The following PROK2 variants were observed in gnomAD, a reference collection of about 807,000 sequenced individuals.
PROK2 encodes the protein prokineticin-2.
In PROK2, 8 loss-of-function variants were observed where a neutral mutation model predicts 14.2. That is an observed-to-expected ratio of 0.56 (90% CI 0.33 to 1.02). The LOEUF (loss-of-function observed/expected upper bound fraction) is 1.02. PROK2 is among the 50% of genes least tolerant of loss of function. PROK2 has a pLI of 0.03. For missense variants in PROK2, 154 were observed against 160.4 expected, an observed-to-expected ratio of 0.96 and a Z score of 0.22; for synonymous variants, 59 against 60.7, an observed-to-expected ratio of 0.97 and a Z score of 0.13.
chr3:71,781,098 T>C (rs1361605034), intron 2 of PROK2, among the ~76,000 whole-genome samples: 3 of 152,232 alleles, frequency 2.0e-5, no homozygotes, highest in Non-Finnish European at 2.9e-5. Flanking sequence ...GTAGATCTAA[T>C]ATTAAAAGCA....
In PROK2 at chr3:71,777,856, T is replaced by C. The variant is rs548188581; in HGVS notation, c.223-3349A>G. On this transcript the variant is annotated intron_variant, in intron 2 of 3. Coordinates refer to ENST00000295619, the MANE Select transcript of PROK2 (RefSeq NM_001126128.2). ...AAACCTTGTTGTTTTGTCTTTTTTTTTTTTTAAACAGAAAGTTTCTTCTAA... is the reference window on the plus strand; with the variant it reads ...AAACCTTGTTGTTTTGTCTTTTTTTCTTTTTAAACAGAAAGTTTCTTCTAA... Among the ~76,000 whole-genome samples the C allele has an allele frequency of 2.0e-5, 3 of 152,102 alleles. No homozygotes were observed. In the South Asian group the frequency reaches 6.2e-4, roughly 32 times the overall value.
rs1162902807 is a variant in PROK2 at position 71,776,363 on chromosome 3, CATT to C, written c.223-1859_223-1857del. On this transcript the variant is annotated intron_variant, in intron 2 of 3. Coordinates refer to ENST00000295619, the MANE Select transcript of PROK2 (RefSeq NM_001126128.2). ...CTTTTCTTTTTTTCTTTTCGCTTTTCATTTTTTTTTTTTTTTTTTTTTTTTTTG... is the reference window on the plus strand; with the variant it reads ...CTTTTCTTTTTTTCTTTTCGCTTTTCTTTTTTTTTTTTTTTTTTTTTTTTG... 3.6e-3 allele frequency among the ~76,000 whole-genome samples: 332 copies of C among 91,978 alleles called. 11 individuals are homozygous for C. Among genetic ancestry groups the C allele is most frequent in the Admixed American group, 6.7e-3 (51 of 7,564 alleles). The allele number at this position is 91,978 out of a possible 152,430, so 60.3% of individuals were successfully genotyped here. A position where few individuals can be genotyped will look rare whatever the true frequency, so the allele number is the denominator to read the frequency against.
In PROK2 at chr3:71,772,713, C is replaced by T. The variant is rs771826707; in HGVS notation, c.*11G>A. The T allele has an allele frequency of 5.6e-6, 9 of 1,609,548 alleles. No homozygotes were observed. The South Asian group carries it at 9.9e-5, about 18-fold the overall frequency. Reference sequence around the variant, plus strand: ...TGTGGCTATTCACATTTGGTTTCTACTCCAGAGCGATTACTTTTGGGCTAA... The same window carrying T: ...TGTGGCTATTCACATTTGGTTTCTATTCCAGAGCGATTACTTTTGGGCTAA... On this transcript the variant is annotated 3_prime_UTR_variant, in exon 4 of 4. Transcript: ENST00000295619.
At chr3:71,780,841 C>T (rs760450216) in intron 2 of PROK2, among the ~76,000 whole-genome samples, 1 of 152,202 alleles carries the variant, frequency 6.6e-6, no homozygotes, top group Non-Finnish European at 1.5e-5. Context: ...CCAATCCTGC[C>T]ACCCTATGAT....
Position 71,781,523 on chromosome 3 carries a change from T to A in PROK2, c.166A>T (p.Arg56Trp). The A allele has an allele frequency of 6.2e-7, 1 of 1,613,696 alleles. No individual in the cohort carries two copies. The highest frequency in any genetic ancestry group is 8.5e-7 in the Non-Finnish European group (1 of 1,179,596). ...CAVSIWVKSIRICTPMGKLGD... is the reference protein window; with the variant it reads ...CAVSIWVKSIWICTPMGKLGD... ...AGTTTGCCCATAGGTGTGCAAATCCTTATGCTCTTGACCCAGATACTGACA... is the reference window on the plus strand; with the variant it reads ...AGTTTGCCCATAGGTGTGCAAATCCATATGCTCTTGACCCAGATACTGACA... The change falls in exon 2 of 4, where the codon AGG (arginine) becomes TGG (tryptophan). Residue 56 changes from arginine to tryptophan, a missense_variant. Physicochemically the swap from Arg to Trp is moderately radical, Grantham distance 101 (BLOSUM62 -3). Coordinates refer to ENST00000295619, the MANE Select transcript of PROK2 (RefSeq NM_001126128.2).
intron 3 of PROK2, among the ~76,000 whole-genome samples, chr3:71,773,217 C>T (rs887513210): frequency 6.6e-6 from 1 of 152,176 alleles, no homozygotes; most frequent in Non-Finnish European, 1.5e-5. Context: ...CAACCTCAAG[C>T]GATCTGCCTG....
chr3:71,780,406 A>G (rs2050152295), intron 2 of PROK2, among the ~76,000 whole-genome samples: 1 of 152,262 alleles, frequency 6.6e-6, no homozygotes, highest in Non-Finnish European at 1.5e-5. Context: ...GCTGTGTTAC[A>G]TTTTTAAACC....
chr3:71,779,848 AAAC>A (rs1185062106), intron 2 of PROK2, among the ~76,000 whole-genome samples: 4 of 152,202 alleles, frequency 2.6e-5, no homozygotes, highest in Non-Finnish European at 5.9e-5. Context: ...GGGCTCAAGC[AAAC>A]TGCCTGCCTC....
At chr3:71,781,665 A>T in intron 1 of PROK2, 73 bp from the exon 2 acceptor site, 1 of 1,477,226 alleles carries the variant, frequency 6.8e-7, no homozygotes, top group Non-Finnish European at 9.4e-7. Context: ...TAAAATTAGC[A>T]GTGAAATGCC....
intron 2 of PROK2, among the ~76,000 whole-genome samples, chr3:71,779,924 C>T (rs9817723): frequency 0.023 from 3,493 of 152,226 alleles, 124 homozygotes; most frequent in African/African-American, 0.079. Flanking sequence ...CAACGTAATT[C>T]TTAAAGGAGA....
chr3:71,779,679 T>C (rs1343789369), intron 2 of PROK2, among the ~76,000 whole-genome samples: 2 of 152,200 alleles, frequency 1.3e-5, no homozygotes, highest in African/African-American at 4.8e-5. Flanking sequence ...TCACGCTCAC[T>C]GCAGCCTGAA....
rs1213471879 is a variant in PROK2, at chr3:71,772,440, A to G, written c.*284T>C. ...TTTCCTCATTTTTGTGAAAATGGGT[A>G]CGTTTTTGACATTTAAGAAAAAAGC... On this transcript the variant is annotated 3_prime_UTR_variant, in exon 4 of 4. Coordinates refer to ENST00000295619, the MANE Select transcript of PROK2 (RefSeq NM_001126128.2). 2.8e-6 allele frequency: 1 copy of G among 357,758 alleles called. No individual in the cohort carries two copies. The highest frequency in any genetic ancestry group is 5.0e-6 in the Non-Finnish European group (1 of 198,046). The allele number at this position is 357,758 out of a possible 1,614,324, so 22.2% of individuals were successfully genotyped here. A position where few individuals can be genotyped will look rare whatever the true frequency, so the allele number is the denominator to read the frequency against.
rs528767769 is a variant in PROK2 at position 71,772,606 on chromosome 3, T to C, written c.*118A>G. The C allele has an allele frequency of 5.9e-6, 5 of 848,458 alleles. No individual in the cohort carries two copies. In the East Asian group the frequency reaches 1.2e-4, roughly 21 times the overall value. 52.6% of individuals were successfully genotyped at this position (848,458 alleles called of 1,614,324 possible). A position where few individuals can be genotyped will look rare whatever the true frequency, so the allele number is the denominator to read the frequency against. On this transcript the variant is annotated 3_prime_UTR_variant, in exon 4 of 4. Transcript: ENST00000295619. Reference sequence around the variant, plus strand: ...ACAAATCAAAGATAAAAATGTTACTTGGAAAGTTGAGGAAGCAAGAGCATT... The same window carrying C: ...ACAAATCAAAGATAAAAATGTTACTCGGAAAGTTGAGGAAGCAAGAGCATT...
Position 71,772,487 on chromosome 3 carries a change from C to A in PROK2, c.*237G>T. The A allele has an allele frequency of 4.6e-6, 2 of 436,026 alleles. No individual in the cohort carries two copies. Among genetic ancestry groups the A allele is most frequent in the Non-Finnish European group, 8.1e-6 (2 of 246,654 alleles). 27.0% of individuals were successfully genotyped at this position (436,026 alleles called of 1,614,324 possible). A position where few individuals can be genotyped will look rare whatever the true frequency, so the allele number is the denominator to read the frequency against. On this transcript the variant is annotated 3_prime_UTR_variant, in exon 4 of 4. Coordinates refer to ENST00000295619, the MANE Select transcript of PROK2 (RefSeq NM_001126128.2). ...AAGCCAAATCAAACCAAAACACAAA[C>A]AGGGAAATAAGAACCAGTTCCATAA...
At chr3:71,776,460 C>T (rs2050120996) in intron 2 of PROK2, among the ~76,000 whole-genome samples, 1 of 143,106 alleles carries the variant, frequency 7.0e-6, no homozygotes, top group Admixed American at 7.5e-5. Context: ...TCACTGTAGC[C>T]TCAGCCTCCC....
Position 71,781,471 on chromosome 3 carries a change from C to T in PROK2, c.218G>A (p.Arg73His), listed in dbSNP as rs773442177. The change falls in exon 2 of 4, where the codon CGT becomes CAT. Residue 73 changes from arginine (R) to histidine (H), a missense_variant. Coordinates refer to ENST00000295619, the MANE Select transcript of PROK2 (RefSeq NM_001126128.2). ...TACAAATATATATATACTAACTTTACGAGTCAGTGGATGGCAGCTGTCTCC... is the reference window on the plus strand; with the variant it reads ...TACAAATATATATATACTAACTTTATGAGTCAGTGGATGGCAGCTGTCTCC... ...KLGDSCHPLT[R>H]KNNFGNGRQE... 1.2e-5 allele frequency: 19 copies of T among 1,613,896 alleles called. No homozygotes were observed. Among genetic ancestry groups the T allele is most frequent in the South Asian group, 6.6e-5 (6 of 91,086 alleles).
Position 71,772,355 on chromosome 3 carries a change from G to C in PROK2, c.*369C>G, listed in dbSNP as rs76187327. On this transcript the variant is annotated 3_prime_UTR_variant, in exon 4 of 4. Transcript: ENST00000295619. ...GTATTTGTGTGGCAGGGCACAAATG[G>C]GGCTTGGGGTGGTGAGAAAAAAAAA... is the stretch of plus-strand genomic sequence containing the variant. 5.4e-3 allele frequency: 1,162 copies of C among 213,960 alleles called. 21 individuals are homozygous for C. The East Asian group carries it at 0.068, about 13-fold the overall frequency. 13.3% of individuals were successfully genotyped at this position (213,960 alleles called of 1,614,324 possible).
chr3:71,784,964 A>G lies in PROK2; in HGVS notation c.89T>C (p.Ile30Thr), dbSNP rs1436256324. 2.4e-6 allele frequency: 3 copies of G among 1,247,588 alleles called. No individual in the cohort carries two copies. Among genetic ancestry groups the G allele is most frequent in the South Asian group, 8.0e-5 (2 of 24,880 alleles). 77.3% of individuals were successfully genotyped at this position (1,247,588 alleles called of 1,614,324 possible). A position where few individuals can be genotyped will look rare whatever the true frequency, so the allele number is the denominator to read the frequency against. ...TGCGCCCGGGCCGCTTACCCCGGTG[A>G]TCACGGCGGCGTCCCCAGCGCGGGG... Reference protein sequence around the residue: ...LTPRAGDAAVITGACDKDSQC... With the variant: ...LTPRAGDAAVTTGACDKDSQC... The change falls in exon 1 of 4, where the codon ATC (isoleucine) becomes ACC (threonine). Residue 30 changes from isoleucine to threonine, a missense_variant. Ile to Thr is a moderately conservative substitution (Grantham distance 89). Coordinates refer to ENST00000295619, the MANE Select transcript of PROK2 (RefSeq NM_001126128.2).
intron 2 of PROK2, among the ~76,000 whole-genome samples, chr3:71,776,422 G>C (rs1578409726): frequency 8.5e-6 from 1 of 117,846 alleles, no homozygotes; most frequent in Middle Eastern, 8.1e-3. Flanking sequence ...GTTGTGCCCA[G>C]ACTGGAGTGC....
Sources: allele counts gnomAD v4.1 joint callset (sites outside exome capture counted in the v4.1 genomes callset), GRCh38; gene constraint gnomAD v4.1.1; transcripts MANE v1.5; gene names NCBI Gene and HGNC (gene_info 2026-07-23, HGNC 2026-07-21).